Variants in PDGFC observed in about 807,000 individuals in gnomAD.
PDGFC encodes platelet-derived growth factor C.
In PDGFC, 12 loss-of-function variants were observed where a neutral mutation model predicts 35.5. The observed-to-expected ratio is 0.34, with a 90% CI of 0.22 to 0.55. PDGFC has a LOEUF of 0.55. PDGFC is among the 20% of genes least tolerant of loss of function. PDGFC has a pLI of 0.91. For missense variants in PDGFC, 322 were observed against 412.4 expected (o/e 0.78, Z 1.90); for synonymous variants, 159 against 148.8 (o/e 1.07, Z -0.50).
chr4:156,933,798 G>A (rs1731610142), intron 1 of PDGFC, among the ~76,000 whole-genome samples: 2 of 152,008 alleles, frequency 1.3e-5, no homozygotes, highest in African/African-American at 4.8e-5. Flanking sequence ...GTTTAAAAGT[G>A]TAGCACTTTC....
intron 1 of PDGFC, among the ~76,000 whole-genome samples, chr4:156,888,815 T>C (rs952024514): frequency 7.2e-5 from 11 of 152,146 alleles, no homozygotes; most frequent in African/African-American, 2.4e-4. Context: ...ACACTAAACA[T>C]TCATAATATG....
chr4:156,915,275 G>C (rs1731131893), intron 1 of PDGFC, among the ~76,000 whole-genome samples: 1 of 152,114 alleles, frequency 6.6e-6, no homozygotes, highest in Non-Finnish European at 1.5e-5. Flanking sequence ...GCCAATGACA[G>C]TTTACAATCT....
At chr4:156,797,133 G>A (rs1198428589) in intron 3 of PDGFC, among the ~76,000 whole-genome samples, 1 of 151,814 alleles carries the variant, frequency 6.6e-6, no homozygotes, top group Non-Finnish European at 1.5e-5. Context: ...AGCTACTTGG[G>A]AGGCTGAGGC....
intron 1 of PDGFC, among the ~76,000 whole-genome samples, chr4:156,893,508 A>G (rs1360268830): frequency 6.6e-6 from 1 of 151,630 alleles, no homozygotes; most frequent in East Asian, 2.0e-4. Context: ...ATTTTATTTT[A>G]TTTTGTTTTG....
intron 1 of PDGFC, among the ~76,000 whole-genome samples, chr4:156,887,083 A>C (rs576457761): frequency 2.4e-4 from 37 of 152,296 alleles, no homozygotes; most frequent in African/African-American, 8.2e-4. Flanking sequence ...CTATTAACAA[A>C]GTTATTTCTA....
intron 1 of PDGFC, among the ~76,000 whole-genome samples, chr4:156,921,730 T>C (rs1447555632): frequency 6.6e-6 from 1 of 152,034 alleles, no homozygotes; most frequent in Non-Finnish European, 1.5e-5. Context: ...TCTAGGTAAA[T>C]CCCCTCCATT....
At chr4:156,916,119 A>C (rs1731151516) in intron 1 of PDGFC, among the ~76,000 whole-genome samples, 1 of 152,164 alleles carries the variant, frequency 6.6e-6, no homozygotes, top group Admixed American at 6.5e-5. Flanking sequence ...TATCCTAATT[A>C]TAAACCTCCT....
At chr4:156,813,740 A>T (rs562295627) in intron 2 of PDGFC, among the ~76,000 whole-genome samples, 1 of 152,282 alleles carries the variant, frequency 6.6e-6, no homozygotes, top group African/African-American at 2.4e-5. Flanking sequence ...TGTTGAAAAC[A>T]TGTAGGCACA....
intron 1 of PDGFC, among the ~76,000 whole-genome samples, chr4:156,912,307 A>C (rs1429041726): frequency 6.6e-6 from 1 of 152,148 alleles, no homozygotes; most frequent in Non-Finnish European, 1.5e-5. Context: ...CATGGACAGA[A>C]ATCTTGTCTT....
At chr4:156,833,764 A>C (rs771158529) in intron 2 of PDGFC, among the ~76,000 whole-genome samples, 1 of 152,170 alleles carries the variant, frequency 6.6e-6, no homozygotes, top group Non-Finnish European at 1.5e-5. Context: ...TTAAACTTAG[A>C]TAATTTTTAT....
At chr4:156,807,710 G>A (rs906369800) in intron 3 of PDGFC, among the ~76,000 whole-genome samples, 3 of 151,906 alleles carry the variant, frequency 2.0e-5, no homozygotes, top group Non-Finnish European at 2.9e-5. Context: ...ACCAGAACCC[G>A]ATATCCATTT....
intron 2 of PDGFC, among the ~76,000 whole-genome samples, chr4:156,812,082 A>C (rs1382736047): frequency 1.3e-5 from 2 of 152,040 alleles, no homozygotes; most frequent in African/African-American, 4.8e-5. Flanking sequence ...ATAAATTTTA[A>C]ATAACGTCAA....
At chr4:156,954,701 C>T (rs1732165570) in intron 1 of PDGFC, among the ~76,000 whole-genome samples, 1 of 151,908 alleles carries the variant, frequency 6.6e-6, no homozygotes, top group Non-Finnish European at 1.5e-5. Context: ...GTTCTTTGTG[C>T]ATTCATTTTA....
intron 3 of PDGFC, among the ~76,000 whole-genome samples, chr4:156,810,363 TATAAC>T (rs1341277541): frequency 6.6e-6 from 1 of 151,928 alleles, no homozygotes; most frequent in African/African-American, 2.4e-5. Flanking sequence ...ATTCACAATT[TATAAC>T]ATACACAATT....
At chr4:156,947,330 A>G (rs1016195184) in intron 1 of PDGFC, among the ~76,000 whole-genome samples, 3 of 151,956 alleles carry the variant, frequency 2.0e-5, no homozygotes, top group Non-Finnish European at 2.9e-5. Flanking sequence ...AAGACTCCAC[A>G]TTTACTTTTC....
rs61505882 is a variant in PDGFC at position 156,851,930 on chromosome 4, C to CAAAAAAAAAAAAAAAAAAAAA, written c.119-1535_119-1515dup. On this transcript the variant is annotated intron_variant, in intron 1 of 5. Coordinates refer to ENST00000502773, the MANE Select transcript of PDGFC (RefSeq NM_016205.3). ...TGGGCGACAGAATGAGACTCCATCT[C>CAAAAAAAAAAAAAAAAAAAAA]AAAAAAAAAAAAAAAAAAAAAAAAA... Among the ~76,000 whole-genome samples, 13 of 47,852 alleles carry CAAAAAAAAAAAAAAAAAAAAA rather than the reference C, an allele frequency of 2.7e-4. 1 individual carries two copies. Among genetic ancestry groups the CAAAAAAAAAAAAAAAAAAAAA allele is most frequent in the African/African-American group, 7.3e-4 (11 of 15,070 alleles). 31.4% of individuals were successfully genotyped at this position (47,852 alleles called of 152,430 possible).
intron 2 of PDGFC, among the ~76,000 whole-genome samples, chr4:156,832,692 T>C (rs1293642269): frequency 6.6e-6 from 1 of 152,220 alleles, no homozygotes; most frequent in Non-Finnish European, 1.5e-5. Context: ...GCGTTTGAAC[T>C]GCGTGGGTCC....
intron 1 of PDGFC, among the ~76,000 whole-genome samples, chr4:156,955,868 G>T (rs1460386116): frequency 6.6e-6 from 1 of 151,842 alleles, no homozygotes; most frequent in East Asian, 1.9e-4. Context: ...TTTTTGAATA[G>T]GCTTTGTACT....
intron 1 of PDGFC, among the ~76,000 whole-genome samples, chr4:156,920,223 T>C (rs1205289310): frequency 1.3e-5 from 2 of 152,246 alleles, no homozygotes; most frequent in African/African-American, 4.8e-5. Context: ...TATTCCTTTA[T>C]AGCAACACAA....
Sources: allele counts gnomAD v4.1 joint callset (sites outside exome capture counted in the v4.1 genomes callset), GRCh38; gene constraint gnomAD v4.1.1; transcripts MANE v1.5; gene names NCBI Gene and HGNC (gene_info 2026-07-23, HGNC 2026-07-21).